Variants in SPOP observed in about 807,000 individuals in gnomAD.
SPOP encodes the protein speckle type BTB/POZ protein.
In SPOP, 11 loss-of-function variants were observed where a neutral mutation model predicts 45.6. The observed-to-expected ratio is 0.24, with a 90% CI of 0.15 to 0.40. The LOEUF is 0.40. Among genes scored for constraint, SPOP ranks in the 10% least tolerant of loss-of-function variants. SPOP has a pLI of 1.00. For missense variants in SPOP, 152 were observed against 465.6 expected, an observed-to-expected ratio of 0.33 and a Z score of 6.20; for synonymous variants, 166 against 166.3, an observed-to-expected ratio of 1.00 and a Z score of 0.01.
intron 1 of SPOP, among the ~76,000 whole-genome samples, chr17:49,661,803 C>T (rs937481234): frequency 2.0e-5 from 3 of 151,908 alleles, no homozygotes; most frequent in Admixed American, 1.3e-4. Flanking sequence ...CACCTGAAGT[C>T]GGGAGTTCAA....
At chr17:49,649,222 T>C (rs2072805082) in intron 1 of SPOP, among the ~76,000 whole-genome samples, 1 of 152,150 alleles carries the variant, frequency 6.6e-6, no homozygotes, top group Non-Finnish European at 1.5e-5. Flanking sequence ...ATGACTAGTT[T>C]TTGTTCTCTT....
chr17:49,603,660 A>C (rs1185643647), intron 8 of SPOP, among the ~76,000 whole-genome samples: 1 of 152,230 alleles, frequency 6.6e-6, no homozygotes, highest in African/African-American at 2.4e-5. Flanking sequence ...TCATTCCATG[A>C]AAGATTTCTT....
intron 1 of SPOP, among the ~76,000 whole-genome samples, chr17:49,672,802 C>T (rs1229177772): frequency 6.6e-6 from 1 of 152,032 alleles, no homozygotes; most frequent in African/African-American, 2.4e-5. Flanking sequence ...CAAAAATTAG[C>T]CAGGTGTGGT....
At chr17:49,622,432 A>T (rs2072238484) in intron 2 of SPOP, 1 of 516,728 alleles carries the variant, frequency 1.9e-6, no homozygotes, top group East Asian at 3.6e-5. Context: ...GGGGTTGCAC[A>T]TCTCAAACTT....
rs560076220 is a variant in SPOP at position 49,670,505 on chromosome 17, A to G, written c.-67+7428T>C. 1.8e-4 allele frequency among the ~76,000 whole-genome samples: 27 copies of G among 152,360 alleles called. No homozygotes were observed. The East Asian group carries it at 5.2e-3, about 29-fold the overall frequency. On this transcript the variant is annotated intron_variant, in intron 1 of 9. Coordinates refer to ENST00000504102, the MANE Select transcript of SPOP (RefSeq NM_001007228.2). Reference sequence around the variant, plus strand: ...TTCAGATAAATATCAGAATACTGTTATTATCTGGCTTTGAGTAACCTGAAA... The same window carrying G: ...TTCAGATAAATATCAGAATACTGTTGTTATCTGGCTTTGAGTAACCTGAAA...
intron 1 of SPOP, among the ~76,000 whole-genome samples, chr17:49,661,706 C>T (rs189200935): frequency 6.6e-6 from 1 of 152,360 alleles, no homozygotes; most frequent in Admixed American, 6.5e-5. Flanking sequence ...TATTCCCTTC[C>T]CTTCTCTACC....
At position 49,600,141 on chromosome 17, in the gene SPOP, T is replaced by C. The variant is rs111569143; in HGVS notation, c.*237A>G. On this transcript the variant is annotated 3_prime_UTR_variant, in exon 10 of 10. Coordinates refer to ENST00000504102, the MANE Select transcript of SPOP (RefSeq NM_001007228.2). The surrounding 1 kb of genome is among the most constrained non-coding windows in gnomAD (Gnocchi z 4.2). Reference sequence around the variant, plus strand: ...AAACTGAATCCCCACAGTATCAAACTCAGCCAGGCCAAAGGGAACACAGTG... The same window carrying C: ...AAACTGAATCCCCACAGTATCAAACCCAGCCAGGCCAAAGGGAACACAGTG... 1.9e-5 allele frequency: 11 copies of C among 570,698 alleles called. No homozygotes were observed. The highest frequency in any genetic ancestry group is 1.1e-4 in the South Asian group (5 of 47,506). The allele number at this position is 570,698 out of a possible 1,614,324, so 35.4% of individuals were successfully genotyped here.
intron 1 of SPOP, chr17:49,646,126 TATC>T (rs1290106980): frequency 6.6e-6 from 1 of 152,222 alleles, no homozygotes; most frequent in African/African-American, 2.4e-5. Context: ...CTGTACATTT[TATC>T]ATCTTTATAA....
intron 1 of SPOP, among the ~76,000 whole-genome samples, chr17:49,623,522 T>C (rs1415484566): frequency 6.6e-6 from 1 of 152,180 alleles, no homozygotes; most frequent in East Asian, 1.9e-4. Flanking sequence ...ATGGGCTCCT[T>C]CCTTTGGGGT....
intron 1 of SPOP, among the ~76,000 whole-genome samples, chr17:49,634,597 T>G (rs905192426): frequency 6.6e-6 from 1 of 152,184 alleles, no homozygotes; most frequent in African/African-American, 2.4e-5. Context: ...CTAATACTAT[T>G]TAAGCATGTC....
At chr17:49,626,476 C>T (rs2072333413) in intron 1 of SPOP, among the ~76,000 whole-genome samples, 1 of 152,072 alleles carries the variant, frequency 6.6e-6, no homozygotes. Flanking sequence ...AGGCGGGTCA[C>T]CTGAGGTCAG....
At chr17:49,677,879 C>A (rs1194318411) in intron 1 of SPOP, 54 bp downstream of exon 1, 1 of 268,536 alleles carries the variant, frequency 3.7e-6, no homozygotes, top group African/African-American at 2.3e-5. Context: ...GGAGGTGCCC[C>A]CCCCCCACTC....
At chr17:49,663,220 T>C (rs2073012187) in intron 1 of SPOP, among the ~76,000 whole-genome samples, 1 of 152,130 alleles carries the variant, frequency 6.6e-6, no homozygotes, top group South Asian at 2.1e-4. Context: ...CATGAGATTC[T>C]CAAAGGAGCC....
intron 1 of SPOP, among the ~76,000 whole-genome samples, chr17:49,623,354 A>G (rs939739111): frequency 6.6e-6 from 1 of 152,194 alleles, no homozygotes; most frequent in Admixed American, 6.5e-5. Context: ...TATCTAATGT[A>G]AAGTAGTCAC....
At chr17:49,673,666 G>A (rs995199832) in intron 1 of SPOP, among the ~76,000 whole-genome samples, 2 of 151,816 alleles carry the variant, frequency 1.3e-5, no homozygotes, top group African/African-American at 4.8e-5. Flanking sequence ...ACCATTATAC[G>A]AAAAAAGAAA....
At chr17:49,649,573 C>T (rs1014886132) in intron 1 of SPOP, among the ~76,000 whole-genome samples, 1 of 151,420 alleles carries the variant, frequency 6.6e-6, no homozygotes, top group Non-Finnish European at 1.5e-5. Context: ...TGGCTCACGC[C>T]TGTAATCCCA....
At chr17:49,677,874 T>TGGG in intron 1 of SPOP, 59 bp downstream of exon 1, 1 of 343,516 alleles carries the variant, frequency 2.9e-6, no homozygotes. Context: ...TTCAGGGAGG[T>TGGG]GCCCCCCCCC....
At position 49,660,897 on chromosome 17, in the gene SPOP, C is replaced by T. The variant is rs200949184; in HGVS notation, c.-67+17036G>A. 9.4e-4 allele frequency among the ~76,000 whole-genome samples: 143 copies of T among 152,256 alleles called. 1 individual carries two copies. The East Asian group carries it at 0.016, about 17-fold the overall frequency. ...AGGAGAATGGTGTGAACCCGGGAGG[C>T]GGAGCTTGCAGTGAGCTGAGATTGC... is the stretch of plus-strand genomic sequence containing the variant. On this transcript the variant is annotated intron_variant, in intron 1 of 9. Coordinates refer to ENST00000504102, the MANE Select transcript of SPOP (RefSeq NM_001007228.2).
intron 5 of SPOP, among the ~76,000 whole-genome samples, chr17:49,613,480 A>G (rs963859334): frequency 9.2e-5 from 14 of 152,174 alleles, no homozygotes; most frequent in Non-Finnish European, 1.8e-4. Context: ...ATTGGCAAGA[A>G]GAGCTAAACT....
Sources: allele counts gnomAD v4.1 joint callset (sites outside exome capture counted in the v4.1 genomes callset), GRCh38; gene constraint gnomAD v4.1.1; non-coding constraint Gnocchi (gnomAD v3.1); transcripts MANE v1.5; gene names NCBI Gene and HGNC (gene_info 2026-07-23, HGNC 2026-07-21).